The following POLN variants were observed in gnomAD, a reference collection of about 807,000 sequenced individuals.
POLN encodes DNA polymerase nu.
POLN carries 108 observed loss-of-function variants against 113.5 expected under a neutral mutation model. The ratio of observed to expected loss-of-function variants is 0.95; its 90% CI spans 0.81 to 1.12. The LOEUF (loss-of-function observed/expected upper bound fraction) is 1.12. Among genes scored for constraint, POLN ranks in the 50% most tolerant of loss-of-function variants. The pLI, the probability that POLN is intolerant of heterozygous loss-of-function variation, is 0.00. For synonymous variants in POLN, 386 were observed against 391.5 expected (o/e 0.99, Z 0.17); for missense variants, 1,097 against 1,077.1 (o/e 1.02, Z -0.26).
At chr4:2,180,339 C>A (rs1332891696) in intron 7 of POLN, among the ~76,000 whole-genome samples, 3 of 152,168 alleles carry the variant, frequency 2.0e-5, no homozygotes. Context: ...AATAGACAAA[C>A]TAAATCCTAA....
At chr4:2,169,499 C>T (rs1287787229) in intron 13 of POLN, among the ~76,000 whole-genome samples, 4 of 152,230 alleles carry the variant, frequency 2.6e-5, no homozygotes, top group Non-Finnish European at 4.4e-5. Flanking sequence ...TCAGAATGGC[C>T]GATGCTTACT....
intron 19 of POLN, 87 bp from the exon 20 acceptor site, chr4:2,096,020 T>C: frequency 1.8e-6 from 2 of 1,102,940 alleles, no homozygotes; most frequent in Non-Finnish European, 2.8e-6. Flanking sequence ...CCCACCACTG[T>C]GCTTCCTCTG....
intron 21 of POLN, among the ~76,000 whole-genome samples, chr4:2,084,985 C>T (rs996258313): frequency 6.6e-6 from 1 of 152,236 alleles, no homozygotes; most frequent in East Asian, 1.9e-4. Context: ...TTAAAAAATA[C>T]TCCTTTAAAA....
intron 19 of POLN, among the ~76,000 whole-genome samples, chr4:2,099,292 G>C (rs1730869390): frequency 6.6e-6 from 1 of 152,320 alleles, no homozygotes; most frequent in Non-Finnish European, 1.5e-5. Context: ...CTTTATAGTA[G>C]AGAAACCTGA....
intron 19 of POLN, among the ~76,000 whole-genome samples, chr4:2,123,624 CAA>C (rs771462226): frequency 1.3e-3 from 73 of 54,962 alleles, no homozygotes; most frequent in African/African-American, 3.4e-3. Flanking sequence ...GACCCTGTCT[CAA>C]AAAAAAAAAA....
At chr4:2,214,942 A>T (rs924104628) in intron 3 of POLN, among the ~76,000 whole-genome samples, 2 of 150,308 alleles carry the variant, frequency 1.3e-5, no homozygotes, top group Non-Finnish European at 3.0e-5. Flanking sequence ...TACCTCAGCC[A>T]TATATATATG....
intron 19 of POLN, among the ~76,000 whole-genome samples, chr4:2,111,949 C>T (rs1027441159): frequency 9.9e-5 from 15 of 152,180 alleles, no homozygotes; most frequent in Non-Finnish European, 1.0e-4. Flanking sequence ...GCCAAAAGAA[C>T]AAAGCTGGAG....
chr4:2,178,106 G>T (rs190164230), intron 8 of POLN, among the ~76,000 whole-genome samples: 1 of 152,242 alleles, frequency 6.6e-6, no homozygotes, highest in African/African-American at 2.4e-5. Context: ...CAGATGATCT[G>T]TGAGGATGAA....
intron 13 of POLN, among the ~76,000 whole-genome samples, chr4:2,161,614 G>A (rs931805440): frequency 7.9e-5 from 12 of 152,190 alleles, no homozygotes; most frequent in African/African-American, 2.9e-4. Flanking sequence ...GCTCCATGGC[G>A]CCCAGTCCCA....
Position 2,222,706 on chromosome 4 carries a change from TTTTTTTA to T in POLN, c.133+6386_133+6392del, listed in dbSNP as rs1438357746. Among the ~76,000 whole-genome samples the T allele has an allele frequency of 3.4e-5, 5 of 148,276 alleles. No homozygotes were observed. The South Asian group carries it at 6.3e-4, about 19-fold the overall frequency. The stretch of plus-strand genomic sequence containing the variant: ...TTATCACCCACGGCCTTTTTTTTTT[TTTTTTTA>T]TTTTTCCACAGGATCTATTATTCCC... On this transcript the variant is annotated intron_variant, in intron 3 of 25. Coordinates refer to ENST00000511885, the MANE Select transcript of POLN (RefSeq NM_181808.4).
intron 19 of POLN, among the ~76,000 whole-genome samples, chr4:2,106,548 TAAG>T (rs976246446): frequency 3.3e-4 from 50 of 152,204 alleles, no homozygotes; most frequent in Non-Finnish European, 5.1e-4. Flanking sequence ...AGCTGTTGAA[TAAG>T]AAGAGTGTCA....
Position 2,144,763 on chromosome 4 carries a change from G to A in POLN, c.1731+12025C>T, listed in dbSNP as rs552275680. Reference sequence around the variant, plus strand: ...ACTCTTTCCTTCAATAACATTTAGCGATTACCTATCAACTGGTAGACACTG... The same window carrying A: ...ACTCTTTCCTTCAATAACATTTAGCAATTACCTATCAACTGGTAGACACTG... On this transcript the variant is annotated intron_variant, in intron 16 of 25. Coordinates refer to ENST00000511885, the MANE Select transcript of POLN (RefSeq NM_181808.4). 2.6e-5 allele frequency among the ~76,000 whole-genome samples: 4 copies of A among 152,166 alleles called. No homozygotes were observed. The South Asian group carries it at 8.3e-4, about 32-fold the overall frequency.
intron 19 of POLN, among the ~76,000 whole-genome samples, chr4:2,100,584 T>C (rs1002706140): frequency 3.3e-5 from 5 of 152,170 alleles, no homozygotes; most frequent in African/African-American, 9.7e-5. Flanking sequence ...AATTAAGGTA[T>C]CGGGAGGACT....
intron 13 of POLN, among the ~76,000 whole-genome samples, chr4:2,162,058 G>T (rs1732608887): frequency 6.6e-6 from 1 of 152,150 alleles, no homozygotes; most frequent in Non-Finnish European, 1.5e-5. Context: ...ATGTGGATAG[G>T]GCCAGATAAG....
intron 13 of POLN, among the ~76,000 whole-genome samples, chr4:2,160,871 A>G (rs1426291719): frequency 2.0e-5 from 3 of 152,108 alleles, no homozygotes. Flanking sequence ...TATTTTCTCC[A>G]ATCTTTACTA....
chr4:2,199,486 G>T (rs998825018), intron 5 of POLN, among the ~76,000 whole-genome samples: 17 of 152,122 alleles, frequency 1.1e-4, no homozygotes, highest in African/African-American at 4.1e-4. Flanking sequence ...GGTGGCGAGA[G>T]AACACATTAC....
chr4:2,136,683 G>C (rs905661442), intron 16 of POLN, among the ~76,000 whole-genome samples: 1 of 152,238 alleles, frequency 6.6e-6, no homozygotes, highest in Admixed American at 6.5e-5. Context: ...TGGGTGAAGG[G>C]GTTGCGCCCA....
intron 3 of POLN, among the ~76,000 whole-genome samples, chr4:2,227,021 C>T (rs916397119): frequency 3.9e-5 from 6 of 152,190 alleles, no homozygotes; most frequent in Admixed American, 6.5e-5. Flanking sequence ...TCCAAGGTGG[C>T]CCTATGATCC....
At chr4:2,109,816 CTTG>C (rs1731150052) in intron 19 of POLN, among the ~76,000 whole-genome samples, 1 of 152,170 alleles carries the variant, frequency 6.6e-6, no homozygotes, top group South Asian at 2.1e-4. Context: ...TTGCCTCCAT[CTTG>C]TTATTTAACT....
Sources: allele counts gnomAD v4.1 joint callset (sites outside exome capture counted in the v4.1 genomes callset), GRCh38; gene constraint gnomAD v4.1.1; transcripts MANE v1.5; gene names NCBI Gene and HGNC (gene_info 2026-07-23, HGNC 2026-07-21).